NEDD9: variants seen among roughly 807,000 people sequenced by gnomAD.
The protein encoded by NEDD9 is neural precursor cell expressed, developmentally down-regulated 9, also known as enhancer of filamentation 1.
A neutral mutation model predicts 76.6 loss-of-function variants in NEDD9; 26 were observed. That is an observed-to-expected ratio of 0.34 (90% CI 0.25 to 0.47). The LOEUF (loss-of-function observed/expected upper bound fraction) is 0.47, where lower values mean the gene tolerates loss of function less well. Ranked by LOEUF, NEDD9 falls within the 20% of genes least tolerant of loss-of-function variation. The pLI, the probability that NEDD9 is intolerant of heterozygous loss-of-function variation, is 1.00. For missense variants in NEDD9, 937 were observed against 1,058.5 expected, an observed-to-expected ratio of 0.89 and a Z score of 1.59; for synonymous variants, 392 against 414.2, an observed-to-expected ratio of 0.95 and a Z score of 0.65.
intron 3 of NEDD9, among the ~76,000 whole-genome samples, chr6:11,294,269 C>T (rs1002854180): frequency 6.6e-6 from 1 of 152,120 alleles, no homozygotes; most frequent in African/African-American, 2.4e-5. Context: ...TCCATAACGA[C>T]TATACCAGCT....
intron 4 of NEDD9, among the ~76,000 whole-genome samples, chr6:11,191,884 G>A (rs1196502818): frequency 1.3e-5 from 2 of 152,044 alleles, no homozygotes; most frequent in African/African-American, 2.4e-5. Flanking sequence ...GTGCACCTGT[G>A]GTCCCAGCTA....
intron 3 of NEDD9, among the ~76,000 whole-genome samples, chr6:11,244,980 T>C (rs1759780355): frequency 6.6e-6 from 1 of 152,236 alleles, no homozygotes; most frequent in Non-Finnish European, 1.5e-5. Flanking sequence ...AATGACAGTG[T>C]GCTGACTAAC....
At chr6:11,215,807 G>T (rs1758937719) in intron 1 of NEDD9, among the ~76,000 whole-genome samples, 1 of 152,166 alleles carries the variant, frequency 6.6e-6, no homozygotes, top group African/African-American at 2.4e-5. Context: ...TGGCTACAAA[G>T]AAGGGAAAGA....
chr6:11,324,214 A>T (rs185241347), intron 2 of NEDD9, among the ~76,000 whole-genome samples: 1 of 152,130 alleles, frequency 6.6e-6, no homozygotes, highest in Non-Finnish European at 1.5e-5. Flanking sequence ...TGAGTGTCTT[A>T]GTTAACCAGT....
intron 1 of NEDD9, among the ~76,000 whole-genome samples, chr6:11,351,467 C>T (rs1046629911): frequency 6.6e-6 from 1 of 152,216 alleles, no homozygotes; most frequent in African/African-American, 2.4e-5. Context: ...AGGCCACTCT[C>T]ACCTTCCCTT....
At chr6:11,232,768 C>T, upstream of NEDD9, 1 of 1,292,504 alleles carries the variant, frequency 7.7e-7, no homozygotes. Flanking sequence ...GCCCTGCCCA[C>T]CCCTAATTCT....
In NEDD9 at chr6:11,188,252, A is replaced by G. The variant is rs1164842796; in HGVS notation, c.1961T>C (p.Met654Thr). Residue 654 changes from methionine (M) to threonine (T), a missense_variant, in exon 6 of 7, where the codon ATG becomes ACG. Met to Thr is a moderately conservative substitution (Grantham distance 81, BLOSUM62 -1). Coordinates refer to ENST00000379446, the MANE Select transcript of NEDD9 (RefSeq NM_006403.4). ...QKELLEKENIMKQNKMQLEHH... is the reference protein window; with the variant it reads ...QKELLEKENITKQNKMQLEHH... ...TTCCAGCTGCATCTTGTTCTGTTTC[A>G]TGATATTCTCTTTTTCCAATAGCTC... The G allele has an allele frequency of 1.4e-5, 23 of 1,614,028 alleles. No individual in the cohort carries two copies. Among genetic ancestry groups the G allele is most frequent in the Non-Finnish European group, 1.9e-5 (23 of 1,180,018 alleles).
chr6:11,266,718 C>A lies in NEDD9; in HGVS notation c.12+39274G>T, dbSNP rs73721514. Among the ~76,000 whole-genome samples, 988 of 152,266 alleles carry A rather than the reference C, an allele frequency of 6.5e-3. 15 individuals are homozygous for A. Among genetic ancestry groups the A allele is most frequent in the African/African-American group, 0.023 (935 of 41,546 alleles). ...TTGTAACCAGTGGTCTGAGTCTAAG[C>A]CAGGATAGTTGTAGTTTCCAATGGT... On this transcript the variant is annotated intron_variant, in intron 3 of 3. Transcript: ENST00000397378.
At chr6:11,225,193 G>T (rs1271975933) in intron 1 of NEDD9, among the ~76,000 whole-genome samples, 2 of 152,182 alleles carry the variant, frequency 1.3e-5, no homozygotes, top group African/African-American at 4.8e-5. Context: ...GCTTGAAATG[G>T]TTTCACTTTT....
chr6:11,261,627 G>T (rs1010668611), intron 3 of NEDD9, among the ~76,000 whole-genome samples: 1 of 152,134 alleles, frequency 6.6e-6, no homozygotes, highest in Non-Finnish European at 1.5e-5. Flanking sequence ...ACTATACCAA[G>T]TTTATGCTTT....
chr6:11,192,252 G>C (rs1758162741), intron 4 of NEDD9, 93 bp downstream of exon 4: 1 of 673,700 alleles, frequency 1.5e-6, no homozygotes, highest in Non-Finnish European at 2.4e-6. Context: ...TTTTATTCGA[G>C]TGAACTACTT....
At chr6:11,381,438 T>G (rs1763061739) in intron 1 of NEDD9, among the ~76,000 whole-genome samples, 2 of 152,198 alleles carry the variant, frequency 1.3e-5, no homozygotes, top group African/African-American at 4.8e-5. Flanking sequence ...TTGAAAAAAT[T>G]TCAGCAAGAT....
intron 2 of NEDD9, among the ~76,000 whole-genome samples, chr6:11,204,734 A>AAAAG (rs1356647320): frequency 7.2e-6 from 1 of 137,976 alleles, no homozygotes; most frequent in African/African-American, 2.7e-5. Context: ...AAAAAAAAAA[A>AAAAG]AAAGAAAGAA....
chr6:11,343,215 G>T (rs781603875), intron 1 of NEDD9, among the ~76,000 whole-genome samples: 1 of 152,070 alleles, frequency 6.6e-6, no homozygotes, highest in Non-Finnish European at 1.5e-5. Context: ...GGATCATGAG[G>T]TCAGGAGTTC....
At chr6:11,224,994 A>G (rs546314742) in intron 1 of NEDD9, among the ~76,000 whole-genome samples, 5 of 152,342 alleles carry the variant, frequency 3.3e-5, no homozygotes, top group African/African-American at 9.6e-5. Flanking sequence ...TAAATGCACA[A>G]TGCCTTAAGA....
chr6:11,332,600 CT>C (rs1762065822), intron 2 of NEDD9, among the ~76,000 whole-genome samples: 1 of 152,232 alleles, frequency 6.6e-6, no homozygotes, highest in East Asian at 1.9e-4. Flanking sequence ...GAATTAGATG[CT>C]CCTTTGCACT....
At chr6:11,268,839 C>A (rs1331290134) in intron 3 of NEDD9, among the ~76,000 whole-genome samples, 5 of 152,006 alleles carry the variant, frequency 3.3e-5, no homozygotes, top group African/African-American at 1.2e-4. Context: ...AGAACTATAT[C>A]ATATCCTAGG....
At chr6:11,246,395 G>A (rs1041792857) in intron 3 of NEDD9, among the ~76,000 whole-genome samples, 1 of 152,066 alleles carries the variant, frequency 6.6e-6, no homozygotes, top group Non-Finnish European at 1.5e-5. Flanking sequence ...AAAGGCAGAT[G>A]GATCCCAGGG....
At chr6:11,276,072 T>C (rs182797026) in intron 3 of NEDD9, among the ~76,000 whole-genome samples, 100 of 152,316 alleles carry the variant, frequency 6.6e-4, no homozygotes, top group African/African-American at 2.3e-3. Context: ...TGTGGAGATG[T>C]CATAAATTCA....
Sources: gnomAD v4.1 joint callset for allele counts (sites outside exome capture counted in the v4.1 genomes callset) on GRCh38, gnomAD v4.1.1 for gene constraint, MANE v1.5 for transcripts, NCBI Gene and HGNC (gene_info 2026-07-23, HGNC 2026-07-21) for gene names.